Variants in TSPAN9 observed in about 807,000 individuals in gnomAD.
The protein encoded by TSPAN9 is tetraspanin 9, also known as tetraspanin-9.
Under a neutral mutation model 31.0 loss-of-function variants are expected in TSPAN9, and 16 were observed. The ratio of observed to expected loss-of-function variants is 0.52; its 90% confidence interval spans 0.35 to 0.78. The LOEUF (loss-of-function observed/expected upper bound fraction) is 0.78, where lower values mean the gene tolerates loss of function less well. Ranked by LOEUF, TSPAN9 falls within the 30% of genes least tolerant of loss-of-function variation. TSPAN9 has a pLI of 0.01. For synonymous variants in TSPAN9, 145 were observed against 121.6 expected (o/e 1.19, Z -1.27); for missense variants, 272 against 312.5 (o/e 0.87, Z 0.98).
rs1356610185 is a variant in TSPAN9 at position 3,170,281 on chromosome 12, T to G, written c.-17-30896T>G. On this transcript the variant is annotated intron_variant, in intron 2 of 8. Coordinates refer to ENST00000011898, the MANE Select transcript of TSPAN9 (RefSeq NM_006675.5). The surrounding 1 kb of genome is among the most constrained non-coding windows in gnomAD (Gnocchi z 4.4). ...ACTGATCCCTGCCAGGGCTCAGTAT[T>G]TTCCTTCCTTTTCCATGGAGACAGA... Among the ~76,000 whole-genome samples, 2 of 152,144 alleles carry G rather than the reference T, an allele frequency of 1.3e-5. No homozygotes were observed.
chr12:3,122,018 C>A (rs1368655152), intron 2 of TSPAN9, among the ~76,000 whole-genome samples: 3 of 152,234 alleles, frequency 2.0e-5, no homozygotes, highest in African/African-American at 7.2e-5. Flanking sequence ...TCTCCCCTCC[C>A]CTCCCCTCGT....
At chr12:3,142,482 G>C (rs1316433610) in intron 2 of TSPAN9, among the ~76,000 whole-genome samples, 1 of 152,196 alleles carries the variant, frequency 6.6e-6, no homozygotes, top group Non-Finnish European at 1.5e-5. Flanking sequence ...GGGATGAAAG[G>C]TGATATATAA....
intron 3 of TSPAN9, among the ~76,000 whole-genome samples, chr12:3,275,530 A>C (rs963309717): frequency 2.6e-5 from 4 of 152,250 alleles, no homozygotes; most frequent in Non-Finnish European, 5.9e-5. Context: ...CAGCATAGAA[A>C]CTGACCAGAT....
chr12:3,253,524 C>T (rs375955348), intron 3 of TSPAN9, among the ~76,000 whole-genome samples: 3 of 152,274 alleles, frequency 2.0e-5, no homozygotes, highest in Non-Finnish European at 2.9e-5. Context: ...GGGTGTCTGC[C>T]GCAGGAAGTG....
intron 2 of TSPAN9, among the ~76,000 whole-genome samples, chr12:3,174,762 T>A (rs1209481049): frequency 8.0e-6 from 1 of 124,608 alleles, no homozygotes; most frequent in Non-Finnish European, 1.9e-5. Context: ...TTTTGTATTT[T>A]TAGTAGAGAC....
chr12:3,115,461 C>T (rs2098321785), intron 2 of TSPAN9, among the ~76,000 whole-genome samples: 1 of 152,172 alleles, frequency 6.6e-6, no homozygotes, highest in Admixed American at 6.5e-5. Context: ...AGTGGAATTG[C>T]AGGTGGTCTT....
At chr12:3,130,828 T>C (rs2098329509) in intron 2 of TSPAN9, among the ~76,000 whole-genome samples, 1 of 152,256 alleles carries the variant, frequency 6.6e-6, no homozygotes, top group Admixed American at 6.5e-5. Context: ...TCCAGCCTTC[T>C]GTTTCTTTGC....
chr12:3,183,531 T>A (rs370620660), intron 2 of TSPAN9, among the ~76,000 whole-genome samples: 2 of 152,142 alleles, frequency 1.3e-5, no homozygotes, highest in Admixed American at 6.5e-5. Context: ...AGTGAAAGGA[T>A]GAGCCAGTCA....
rs1458209377 is a variant in TSPAN9 at position 3,279,124 on chromosome 12, C to T, written c.330+58C>T. ...AATGTCACTGCCCTTAGAGTTGGGC[C>T]AAGCAGGCCAGGGTCCCTTCCCTGG... On this transcript the variant is annotated intron_variant, in intron 5 of 8. Coordinates refer to ENST00000011898, the MANE Select transcript of TSPAN9 (RefSeq NM_006675.5). 6 of 1,520,722 alleles carry T rather than the reference C, an allele frequency of 3.9e-6. No individual in the cohort carries two copies. The South Asian group carries it at 5.6e-5, about 14-fold the overall frequency. 94.2% of individuals were successfully genotyped at this position (1,520,722 alleles called of 1,614,324 possible).
chr12:3,282,855 CTG>C (rs1325592298), intron 8 of TSPAN9, among the ~76,000 whole-genome samples, 188 bp from the exon 9 acceptor site: 2 of 152,262 alleles, frequency 1.3e-5, no homozygotes, highest in Admixed American at 1.3e-4. Flanking sequence ...CAGAGTTCAC[CTG>C]TGTGTGTCTC....
chr12:3,238,062 C>T (rs980593713), intron 3 of TSPAN9, among the ~76,000 whole-genome samples: 1 of 152,176 alleles, frequency 6.6e-6, no homozygotes, highest in Non-Finnish European at 1.5e-5. Context: ...TCTTCCCTCC[C>T]CAGTCATCCT....
chr12:3,257,777 A>AGGGGGGG (rs1862376857), intron 3 of TSPAN9, among the ~76,000 whole-genome samples: 5 of 140,968 alleles, frequency 3.5e-5, no homozygotes, highest in Non-Finnish European at 6.1e-5. Flanking sequence ...CGGGAGGGGT[A>AGGGGGGG]GGGGGGCGGC....
At chr12:3,180,891 A>G (rs564644219) in intron 2 of TSPAN9, among the ~76,000 whole-genome samples, 1 of 152,274 alleles carries the variant, frequency 6.6e-6, no homozygotes, top group South Asian at 2.1e-4. Context: ...CCACGAAGTT[A>G]TTCTATTTTT....
chr12:3,255,902 C>T (rs1379380296), intron 3 of TSPAN9, among the ~76,000 whole-genome samples: 1 of 152,208 alleles, frequency 6.6e-6, no homozygotes, highest in Non-Finnish European at 1.5e-5. Flanking sequence ...CCCTTTGTAC[C>T]TCTGGTGTGG....
chr12:3,126,366 G>A (rs2098327371), intron 2 of TSPAN9, among the ~76,000 whole-genome samples: 1 of 152,192 alleles, frequency 6.6e-6, no homozygotes, highest in Non-Finnish European at 1.5e-5. Flanking sequence ...CTAGGGAAGA[G>A]CCTTTTGCTC....
intron 2 of TSPAN9, among the ~76,000 whole-genome samples, chr12:3,138,122 C>T (rs139954541): frequency 5.0e-4 from 76 of 152,320 alleles, no homozygotes; most frequent in African/African-American, 1.6e-3. Context: ...CAGTGCCCAG[C>T]GGTGCCCGTT....
At chr12:3,171,039 C>T (rs2098351497) in intron 2 of TSPAN9, among the ~76,000 whole-genome samples, 1 of 152,086 alleles carries the variant, frequency 6.6e-6, no homozygotes, top group African/African-American at 2.4e-5. Flanking sequence ...GGCTATAGCC[C>T]TGATCCAGCC....
At chr12:3,218,566 T>G (rs2098382591) in intron 3 of TSPAN9, among the ~76,000 whole-genome samples, 1 of 152,146 alleles carries the variant, frequency 6.6e-6, no homozygotes, top group African/African-American at 2.4e-5. Flanking sequence ...CCTGGCTGCC[T>G]TCCTGAGGGC....
intron 3 of TSPAN9, among the ~76,000 whole-genome samples, chr12:3,244,298 C>T (rs2098398166): frequency 6.6e-6 from 1 of 152,188 alleles, no homozygotes; most frequent in African/African-American, 2.4e-5. Flanking sequence ...CCTCCCCCTG[C>T]ACTTCCCTTC....
Sources: allele counts gnomAD v4.1 joint callset (sites outside exome capture counted in the v4.1 genomes callset), GRCh38; gene constraint gnomAD v4.1.1; non-coding constraint Gnocchi (gnomAD v3.1); transcripts MANE v1.5; gene names NCBI Gene and HGNC (gene_info 2026-07-23, HGNC 2026-07-21).